Variants in CLCN1 observed in about 807,000 individuals in gnomAD.
CLCN1 encodes chloride voltage-gated channel 1.
CLCN1 carries 100 observed loss-of-function variants against 114.5 expected under a neutral mutation model. That is an observed-to-expected ratio of 0.87 (90% CI 0.74 to 1.03). CLCN1 has a LOEUF of 1.03. Among genes scored for constraint, CLCN1 ranks in the 50% least tolerant of loss-of-function variants. CLCN1 has a pLI of 0.00. For synonymous variants in CLCN1, 485 were observed against 487.1 expected (o/e 1.00, Z 0.06); for missense variants, 1,188 against 1,250.0 (o/e 0.95, Z 0.75).
At chr7:143,336,594 A>C (rs1222489237) in intron 12 of CLCN1, among the ~76,000 whole-genome samples, 1 of 138,946 alleles carries the variant, frequency 7.2e-6, no homozygotes, top group African/African-American at 2.8e-5. Flanking sequence ...GTGACAGAAC[A>C]AGACTCTGTC....
At position 143,331,240 on chromosome 7, in the gene CLCN1, A is replaced by G; in HGVS notation, c.988A>G (p.Thr330Ala). The change falls in exon 9 of 23, where the codon ACT becomes GCT. Residue 330 changes from threonine to alanine, a missense_variant. Coordinates refer to ENST00000343257, the MANE Select transcript of CLCN1 (RefSeq NM_000083.3). Reference sequence around the variant, plus strand: ...GCCTTTCCATCCTACAGTCACCATCACTGCTCTGTTCAGAACCAATTTCCG... The same window carrying G: ...GCCTTTCCATCCTACAGTCACCATCGCTGCTCTGTTCAGAACCAATTTCCG... ...AVWNKDAVTI[T>A]ALFRTNFRMD... is the part of the protein sequence containing the mutation. The G allele has an allele frequency of 6.2e-7, 1 of 1,610,422 alleles. No homozygotes were observed. The highest frequency in any genetic ancestry group is 8.5e-7 in the Non-Finnish European group (1 of 1,176,618).
At position 143,350,615 on chromosome 7, in the gene CLCN1, C is replaced by T. The variant is rs1803369326; in HGVS notation, c.2556C>T (p.Thr852=). 1 of 1,614,146 alleles carries T rather than the reference C, an allele frequency of 6.2e-7. No homozygotes were observed. Among genetic ancestry groups the T allele is most frequent in the Non-Finnish European group, 8.5e-7 (1 of 1,180,028 alleles). ...TTGGCCTCCACCTCGCTTACGTGAC[C>T]AGCATGGGGAAGCTCAGGGGCGTCC... ...SLLGLHLAYV[T]SMGKLRGVLA... Residue 852 remains threonine (T), a synonymous_variant, in exon 22 of 23, where the codon ACC becomes ACT. Coordinates refer to ENST00000343257, the MANE Select transcript of CLCN1 (RefSeq NM_000083.3). This position sits in a 1 kb window ranked among gnomAD's most constrained non-coding sequence, Gnocchi z 5.1.
At chr7:143,331,892 G>A (rs1395104439) in intron 10 of CLCN1, among the ~76,000 whole-genome samples, 1 of 152,138 alleles carries the variant, frequency 6.6e-6, no homozygotes, top group African/African-American at 2.4e-5. Flanking sequence ...GCAGTGGTGC[G>A]ATCTCAGCTC....
intron 7 of CLCN1, among the ~76,000 whole-genome samples, chr7:143,329,258 G>A (rs773085483): frequency 1.3e-5 from 2 of 152,174 alleles, no homozygotes; most frequent in Non-Finnish European, 2.9e-5. Flanking sequence ...GAGCCACCAC[G>A]CCTGGCCTCC....
intron 15 of CLCN1, 70 bp downstream of exon 15, chr7:143,342,212 G>T: frequency 1.3e-6 from 2 of 1,540,464 alleles, no homozygotes; most frequent in Non-Finnish European, 9.0e-7. Flanking sequence ...CTGAGACTGA[G>T]CTTAGAGTTA....
chr7:143,323,435 C>A (rs751928310), intron 6 of CLCN1, 49 bp downstream of exon 6: 6 of 1,323,102 alleles, frequency 4.5e-6, no homozygotes, highest in South Asian at 1.2e-5. Context: ...TAGAAGGAGT[C>A]CGGCTGTGTG....
rs1803005804 is a variant in CLCN1, at chr7:143,339,141, G to A, written c.1402-112G>A. 1 of 811,598 alleles carries A rather than the reference G, an allele frequency of 1.2e-6. No homozygotes were observed. Among genetic ancestry groups the A allele is most frequent in the East Asian group, 2.4e-5 (1 of 40,968 alleles). The allele number at this position is 811,598 out of a possible 1,614,324, so 50.3% of individuals were successfully genotyped here. Reference sequence around the variant, plus strand: ...GTGACAGACAAAGTGACTTTCAGAAGGATCAGCTATCCCAGGATTTCTGCA... The same window carrying A: ...GTGACAGACAAAGTGACTTTCAGAAAGATCAGCTATCCCAGGATTTCTGCA... On this transcript the variant is annotated intron_variant, in intron 12 of 22. Coordinates refer to ENST00000343257, the MANE Select transcript of CLCN1 (RefSeq NM_000083.3). This position sits in a 1 kb window ranked among gnomAD's most constrained non-coding sequence, Gnocchi z 4.1.
chr7:143,349,499 T>G (rs1478316133), intron 20 of CLCN1, among the ~76,000 whole-genome samples: 1 of 152,232 alleles, frequency 6.6e-6, no homozygotes, highest in Non-Finnish European at 1.5e-5. Flanking sequence ...TTAGAAATTT[T>G]AGAAAAATGT....
chr7:143,350,671 C>A lies in CLCN1; in HGVS notation c.2595+17C>A. The stretch of plus-strand genomic sequence containing the variant: ...CTGGAGGAGGTAATCACGATGTGTC[C>A]CATTTGAGCAGCAGGAGGGAGGCTG... On this transcript the variant is annotated intron_variant, in intron 22 of 22. Transcript: ENST00000343257. The surrounding 1 kb of genome is among the most constrained non-coding windows in gnomAD (Gnocchi z 5.1). The A allele has an allele frequency of 6.3e-7, 1 of 1,599,296 alleles. No individual in the cohort carries two copies. The highest frequency in any genetic ancestry group is 2.2e-5 in the East Asian group (1 of 44,806).
At chr7:143,348,031 G>A (rs1803304175) in intron 20 of CLCN1, among the ~76,000 whole-genome samples, 1 of 152,142 alleles carries the variant, frequency 6.6e-6, no homozygotes, top group Non-Finnish European at 1.5e-5. Context: ...CGTAAAGCTT[G>A]TAAAGTATGA....
intron 20 of CLCN1, among the ~76,000 whole-genome samples, chr7:143,349,761 C>T (rs73726624): frequency 0.021 from 3,216 of 152,218 alleles, 118 homozygotes; most frequent in African/African-American, 0.072. Flanking sequence ...ATACAGCAGC[C>T]GATACCACAT....
intron 14 of CLCN1, among the ~76,000 whole-genome samples, 157 bp from the exon 15 acceptor site, chr7:143,341,772 T>C (rs1477495403): frequency 6.6e-6 from 1 of 152,122 alleles, no homozygotes; most frequent in Non-Finnish European, 1.5e-5. Context: ...TTCTAAGAGT[T>C]CAGTATTCTA....
At chr7:143,347,335 G>A (rs1278800608) in intron 20 of CLCN1, among the ~76,000 whole-genome samples, 2 of 152,048 alleles carry the variant, frequency 1.3e-5, no homozygotes, top group South Asian at 2.1e-4. Context: ...AAACTAAAAT[G>A]GGAGGCCGGG....
At chr7:143,320,555 C>CTG in intron 2 of CLCN1, 109 bp from the exon 3 acceptor site, 1 of 162,408 alleles carries the variant, frequency 6.2e-6, no homozygotes, top group Non-Finnish European at 1.2e-5. Flanking sequence ...AGCTGCTTTT[C>CTG]TCTCTCTCTC....
chr7:143,344,037 A>G (rs1216465294), intron 16 of CLCN1, among the ~76,000 whole-genome samples: 1 of 152,042 alleles, frequency 6.6e-6, no homozygotes, highest in Admixed American at 6.6e-5. Context: ...ACGGGGTTTC[A>G]CCATGTTGGC....
At position 143,332,767 on chromosome 7, in the gene CLCN1, C is replaced by T; in HGVS notation, c.1295C>T (p.Thr432Ile). Residue 432 changes from threonine (T) to isoleucine (I), a missense_variant, in exon 12 of 23, where the codon ACA (threonine) becomes ATA (isoleucine). Physicochemically the swap from Thr to Ile is moderately conservative, Grantham distance 89. Coordinates refer to ENST00000343257, the MANE Select transcript of CLCN1 (RefSeq NM_000083.3). Reference sequence around the variant, plus strand: ...ATCAGTACTTTGTTTGACAACAATACATGGGTGAAACACGCGGGTGATCCT... The same window carrying T: ...ATCAGTACTTTGTTTGACAACAATATATGGGTGAAACACGCGGGTGATCCT... ...EAISTLFDNN[T>I]WVKHAGDPES... is the part of the protein sequence containing the mutation. 6.2e-7 allele frequency: 1 copy of T among 1,614,206 alleles called. No homozygotes were observed. The highest frequency in any genetic ancestry group is 8.5e-7 in the Non-Finnish European group (1 of 1,180,044).
intron 16 of CLCN1, 27 bp from the exon 17 acceptor site, chr7:143,345,494 C>T (rs368404952): frequency 1.4e-5 from 21 of 1,517,308 alleles, no homozygotes; most frequent in East Asian, 7.5e-5. Flanking sequence ...GGAGGGGGCG[C>T]TCAGGCAGGG....
At chr7:143,325,487 C>T (rs563758485) in intron 7 of CLCN1, among the ~76,000 whole-genome samples, 1 of 152,320 alleles carries the variant, frequency 6.6e-6, no homozygotes, top group African/African-American at 2.4e-5. Context: ...TTAGCAAGCA[C>T]ATCAGCTAGC....
intron 1 of CLCN1, among the ~76,000 whole-genome samples, chr7:143,318,319 T>A (rs1802341862): frequency 6.6e-6 from 1 of 152,148 alleles, no homozygotes; most frequent in Non-Finnish European, 1.5e-5. Context: ...GCCTCCCTGG[T>A]TCAAGCAATT....
Sources: allele counts gnomAD v4.1 joint callset (sites outside exome capture counted in the v4.1 genomes callset), GRCh38; gene constraint gnomAD v4.1.1; non-coding constraint Gnocchi (gnomAD v3.1); transcripts MANE v1.5; gene names NCBI Gene and HGNC (gene_info 2026-07-23, HGNC 2026-07-21).